Variants in PRIM2 observed in about 807,000 individuals in gnomAD.
PRIM2 encodes the protein DNA primase subunit 2.
A neutral mutation model predicts 67.3 loss-of-function variants in PRIM2; 39 were observed. The ratio of observed to expected loss-of-function variants is 0.58; its 90% CI spans 0.45 to 0.76. PRIM2 has a LOEUF of 0.76. PRIM2 is among the 30% of genes least tolerant of loss of function. The pLI, the probability that PRIM2 is intolerant of heterozygous loss-of-function variation, is 0.00. For synonymous variants in PRIM2, 143 were observed against 198.7 expected (o/e 0.72, Z 2.36); for missense variants, 398 against 598.7 (o/e 0.66, Z 3.50).
At chr6:57,462,189 T>C (rs1351300180) in intron 7 of PRIM2, among the ~76,000 whole-genome samples, 3 of 151,970 alleles carry the variant, frequency 2.0e-5, no homozygotes, top group Non-Finnish European at 4.4e-5. Context: ...GGCAAAAAAA[T>C]CACAGGAGAG....
At chr6:57,454,341 G>C (rs1468350890) in intron 7 of PRIM2, among the ~76,000 whole-genome samples, 4,827 of 152,238 alleles carry the variant, frequency 0.032, 256 homozygotes, top group African/African-American at 0.11. Flanking sequence ...TCTATTGATT[G>C]GAATAGTTTC....
At chr6:57,318,271 A>G (rs1159042166) in intron 1 of PRIM2, 166 bp from the exon 2 acceptor site, 1 of 203,006 alleles carries the variant, frequency 4.9e-6, no homozygotes, top group African/African-American at 2.4e-5. Flanking sequence ...AAAATCTGGA[A>G]ACGAGAGAAG....
Position 57,428,789 on chromosome 6 carries a change from A to G in PRIM2, c.693+46621A>G, listed in dbSNP as rs982317. On this transcript the variant is annotated intron_variant, in intron 7 of 13. Coordinates refer to ENST00000615550, the MANE Select transcript of PRIM2 (RefSeq NM_000947.5). ...TTTACAAAAATAGTAGAGAGTTTCA[A>G]TTGTACCTCCCATTCAGCTTTCCTT... 5.9e-5 allele frequency among the ~76,000 whole-genome samples: 9 copies of G among 152,318 alleles called. No individual in the cohort carries two copies. The South Asian group carries it at 8.3e-4, about 14-fold the overall frequency.
the PRIM2 span, among the ~76,000 whole-genome samples, chr6:57,278,543 G>A: frequency 7.9e-5 from 12 of 151,864 alleles, no homozygotes; most frequent in African/African-American, 2.7e-4. Context: ...TCTTATAATC[G>A]AATTTACAAC....
At chr6:57,464,515 T>A (rs1773122034) in intron 7 of PRIM2, among the ~76,000 whole-genome samples, 1 of 152,124 alleles carries the variant, frequency 6.6e-6, no homozygotes, top group Non-Finnish European at 1.5e-5. Flanking sequence ...GATCTCATGA[T>A]CTGCCCACCT....
chr6:57,427,997 A>C (rs1388979883), intron 7 of PRIM2, among the ~76,000 whole-genome samples: 1 of 152,136 alleles, frequency 6.6e-6, no homozygotes, highest in Non-Finnish European at 1.5e-5. Context: ...TTGTTTCCTA[A>C]GGGGACTCTA....
At chr6:57,318,708 GTATT>G in intron 2 of PRIM2, 109 bp downstream of exon 2, 2 of 885,114 alleles carry the variant, frequency 2.3e-6, no homozygotes, top group Admixed American at 2.4e-5. Flanking sequence ...CATTCAACAA[GTATT>G]TATTGAGGTA....
the PRIM2 span, among the ~76,000 whole-genome samples, chr6:57,252,206 T>C: frequency 6.6e-6 from 1 of 152,258 alleles, no homozygotes; most frequent in Non-Finnish European, 1.5e-5. Context: ...CTTGATTCTG[T>C]GATAAGCATT....
intron 7 of PRIM2, among the ~76,000 whole-genome samples, chr6:57,456,099 T>A (rs1469337427): frequency 6.6e-6 from 1 of 152,308 alleles, no homozygotes; most frequent in South Asian, 2.1e-4. Context: ...TCTTTAAGAA[T>A]GTTGAATATT....
chr6:57,313,712 ACCT>A (rs796172831), upstream of PRIM2, among the ~76,000 whole-genome samples: 16 of 152,264 alleles, frequency 1.1e-4, no homozygotes, highest in African/African-American at 3.6e-4. Flanking sequence ...TGCTGGAAAT[ACCT>A]CATGTTCTCT....
intron 5 of PRIM2, among the ~76,000 whole-genome samples, chr6:57,339,120 A>G (rs1259172584): frequency 1.3e-5 from 2 of 151,998 alleles, no homozygotes; most frequent in African/African-American, 2.4e-5. Context: ...TTCAAAGAGA[A>G]TAAAATACCT....
intron 7 of PRIM2, among the ~76,000 whole-genome samples, chr6:57,504,917 T>C (rs1248229396): frequency 1.3e-5 from 2 of 152,240 alleles, no homozygotes; most frequent in Non-Finnish European, 2.9e-5. Context: ...ACATATACTT[T>C]CATTTTTATC....
At chr6:57,484,235 T>C (rs1773694286) in intron 7 of PRIM2, among the ~76,000 whole-genome samples, 1 of 152,210 alleles carries the variant, frequency 6.6e-6, no homozygotes, top group Non-Finnish European at 1.5e-5. Context: ...TGCTTTTCAC[T>C]TGGATGATTG....
At chr6:57,535,883 G>GA (rs1234994077) in intron 9 of PRIM2, among the ~76,000 whole-genome samples, 5 of 149,710 alleles carry the variant, frequency 3.3e-5, no homozygotes, top group South Asian at 2.1e-4. Context: ...AAAAAAAGAA[G>GA]AAAAAAAAAG....
chr6:57,618,801 C>T lies in PRIM2; in HGVS notation c.1230+12344C>T, dbSNP rs1221173881. Among the ~76,000 whole-genome samples the T allele has an allele frequency of 1.2e-4, 19 of 152,176 alleles. No individual in the cohort carries two copies. In the South Asian group the frequency reaches 1.9e-3, roughly 15 times the overall value. ...CCCAAGGAGAGTCTTTGCTCAGACA[C>T]GCATAGCCCCACCCCCACCTGACAG... On this transcript the variant is annotated intron_variant, in intron 12 of 13. Coordinates refer to ENST00000615550, the MANE Select transcript of PRIM2 (RefSeq NM_000947.5).
chr6:57,316,405 C>T (rs1019792111), upstream of PRIM2, among the ~76,000 whole-genome samples: 3 of 152,184 alleles, frequency 2.0e-5, no homozygotes, highest in Non-Finnish European at 4.4e-5. Context: ...GAACAAGACT[C>T]TGTCTCGGGT....
At chr6:57,500,840 C>T (rs2127457450) in intron 7 of PRIM2, among the ~76,000 whole-genome samples, 2 of 150,766 alleles carry the variant, frequency 1.3e-5, no homozygotes, top group East Asian at 3.9e-4. Flanking sequence ...AGAACCAATA[C>T]AATGAAAAGA....
intron 7 of PRIM2, among the ~76,000 whole-genome samples, chr6:57,444,205 G>A (rs915863141): frequency 5.9e-5 from 9 of 151,878 alleles, no homozygotes; most frequent in Non-Finnish European, 8.8e-5. Context: ...ACATAATCCT[G>A]TGTAGTCTTA....
the PRIM2 span, among the ~76,000 whole-genome samples, chr6:57,270,413 G>C: frequency 1.5e-4 from 23 of 151,358 alleles, no homozygotes; most frequent in Non-Finnish European, 2.5e-4. Context: ...GGAGTTCACT[G>C]ATGATTTGGC....
Sources: allele counts gnomAD v4.1 joint callset (sites outside exome capture counted in the v4.1 genomes callset), GRCh38; gene constraint gnomAD v4.1.1; transcripts MANE v1.5; gene names NCBI Gene and HGNC (gene_info 2026-07-23, HGNC 2026-07-21).